Variants in HDAC4 observed in about 807,000 individuals in gnomAD.
HDAC4 encodes the protein histone deacetylase 4.
HDAC4 carries 16 observed loss-of-function variants against 135.1 expected under a neutral mutation model. That is an observed-to-expected ratio of 0.12 (90% CI 0.08 to 0.18). The LOEUF (loss-of-function observed/expected upper bound fraction) is 0.18, where lower values mean the gene tolerates loss of function less well. HDAC4 is among the 10% of genes least tolerant of loss of function. The probability of loss-of-function intolerance (pLI) is 1.00; values close to 1 mark genes in which losing one functional copy is unlikely to be tolerated. For synonymous variants in HDAC4, 685 were observed against 653.4 expected (o/e 1.05, Z -0.74); for missense variants, 1,143 against 1,511.8 (o/e 0.76, Z 4.05).
At chr2:239,230,476 C>G (rs291339) in intron 3 of HDAC4, among the ~76,000 whole-genome samples, 1 of 150,826 alleles carries the variant, frequency 6.6e-6, no homozygotes, top group Non-Finnish European at 1.5e-5. Flanking sequence ...GTCCGTGGGC[C>G]GGAGGGCATT....
intron 24 of HDAC4, among the ~76,000 whole-genome samples, chr2:239,063,326 G>A (rs992001594): frequency 6.6e-6 from 1 of 151,578 alleles, no homozygotes; most frequent in Admixed American, 6.6e-5. Context: ...TCAGCCTCCC[G>A]AGTAGCTGGG....
intron 2 of HDAC4, among the ~76,000 whole-genome samples, chr2:239,257,841 C>T (rs1370284004): frequency 6.6e-6 from 1 of 151,874 alleles, no homozygotes; most frequent in Non-Finnish European, 1.5e-5. Context: ...AAAAGACAAC[C>T]CAACAAAAAA....
rs1302972758 is a variant in HDAC4, at chr2:239,393,877, CT to C, written c.-220+7100del. On this transcript the variant is annotated intron_variant, in intron 1 of 26. Coordinates refer to ENST00000543185, the MANE Select transcript of HDAC4 (RefSeq NM_001378414.1). ...AACTGAGTCTCATCTCATGTAAAAC[CT>C]AGTACTTGGGCTGGGGTGTAAAATG... 4.6e-5 allele frequency among the ~76,000 whole-genome samples: 7 copies of C among 152,274 alleles called. No homozygotes were observed. The East Asian group carries it at 9.6e-4, about 21-fold the overall frequency.
At chr2:239,147,180 C>T (rs183263044) in intron 7 of HDAC4, among the ~76,000 whole-genome samples, 23 of 152,290 alleles carry the variant, frequency 1.5e-4, no homozygotes, top group Admixed American at 7.8e-4. Flanking sequence ...GGAGACCACC[C>T]GGGGCACATG....
At chr2:239,122,331 C>G (rs2039765831) in intron 12 of HDAC4, among the ~76,000 whole-genome samples, 1 of 152,170 alleles carries the variant, frequency 6.6e-6, no homozygotes, top group Non-Finnish European at 1.5e-5. Context: ...CGAACGTCCT[C>G]TTTTAATAGA....
At chr2:239,178,619 C>T (rs934710768) in intron 4 of HDAC4, among the ~76,000 whole-genome samples, 3 of 152,292 alleles carry the variant, frequency 2.0e-5, no homozygotes, top group African/African-American at 4.8e-5. Context: ...CCTGGGCTCA[C>T]GTGATCCTCC....
chr2:239,353,304 C>T (rs1247813465), intron 1 of HDAC4, among the ~76,000 whole-genome samples: 1 of 152,186 alleles, frequency 6.6e-6, no homozygotes, highest in Non-Finnish European at 1.5e-5. Context: ...CTTGAGCCAC[C>T]ACGCCCCACC....
chr2:239,389,568 G>A (rs1361790657), intron 1 of HDAC4, among the ~76,000 whole-genome samples: 1 of 152,142 alleles, frequency 6.6e-6, no homozygotes, highest in Non-Finnish European at 1.5e-5. Context: ...CCGGACACAG[G>A]ATGGGGCCCA....
chr2:239,199,639 C>T (rs1223735074), intron 3 of HDAC4, among the ~76,000 whole-genome samples: 1 of 152,166 alleles, frequency 6.6e-6, no homozygotes, highest in Non-Finnish European at 1.5e-5. Flanking sequence ...GCAGGAGCCC[C>T]GTGGTTGGAT....
chr2:239,378,138 C>G (rs138024494), intron 1 of HDAC4, among the ~76,000 whole-genome samples: 1,636 of 152,266 alleles, frequency 0.011, 10 homozygotes, highest in Non-Finnish European at 0.017. Context: ...GGGGACATGC[C>G]CTGTGCACAT....
chr2:239,208,109 T>C (rs1234938143), intron 3 of HDAC4, among the ~76,000 whole-genome samples: 1 of 150,748 alleles, frequency 6.6e-6, no homozygotes, highest in Admixed American at 6.6e-5. Context: ...GATCACGAGG[T>C]CAGGAGATGG....
At chr2:239,255,795 C>T (rs1387943234) in intron 2 of HDAC4, among the ~76,000 whole-genome samples, 2 of 152,222 alleles carry the variant, frequency 1.3e-5, no homozygotes, top group African/African-American at 4.8e-5. Flanking sequence ...TGACTGACAG[C>T]AATCACTGCC....
chr2:239,230,329 C>T (rs2047470053), intron 3 of HDAC4, among the ~76,000 whole-genome samples: 1 of 137,184 alleles, frequency 7.3e-6, no homozygotes, highest in Admixed American at 7.9e-5. Context: ...ACATTCTACA[C>T]TTCATTTTAC....
intron 1 of HDAC4, among the ~76,000 whole-genome samples, chr2:239,369,907 A>G (rs964159420): frequency 6.6e-6 from 1 of 152,254 alleles, no homozygotes; most frequent in Non-Finnish European, 1.5e-5. Flanking sequence ...AAGTGGCGTC[A>G]TGCCCTGATG....
intron 1 of HDAC4, among the ~76,000 whole-genome samples, chr2:239,393,218 A>G (rs1195672636): frequency 6.6e-6 from 1 of 152,166 alleles, no homozygotes; most frequent in East Asian, 1.9e-4. Flanking sequence ...ATGTGCCCCA[A>G]GGAGGGCCTA....
chr2:239,221,609 GACACACACACACACACACACACACAC>G (rs3838519), intron 3 of HDAC4, among the ~76,000 whole-genome samples: 3 of 148,990 alleles, frequency 2.0e-5, no homozygotes, highest in Non-Finnish European at 3.0e-5. Flanking sequence ...CTGAGAGTGG[GACACACACACACACACACACACACAC>G]ACACACACAC....
chr2:239,107,793 A>G (rs987848397), intron 15 of HDAC4, among the ~76,000 whole-genome samples: 2 of 152,060 alleles, frequency 1.3e-5, no homozygotes, highest in African/African-American at 4.8e-5. Flanking sequence ...TGGGAGCGAA[A>G]CATCAGGAAA....
chr2:239,091,904 CAA>C (rs368201922), intron 17 of HDAC4: 2,210 of 133,048 alleles, frequency 0.017, 31 homozygotes, highest in African/African-American at 0.036. Flanking sequence ...ACTAAAAATA[CAA>C]AAAAAAAAAA....
chr2:239,192,865 G>A (rs887512866), intron 3 of HDAC4, among the ~76,000 whole-genome samples: 1 of 152,210 alleles, frequency 6.6e-6, no homozygotes, highest in African/African-American at 2.4e-5. Context: ...CTTGTATAAT[G>A]TAGAAGAACA....
Sources: allele counts gnomAD v4.1 joint callset (sites outside exome capture counted in the v4.1 genomes callset), GRCh38; gene constraint gnomAD v4.1.1; transcripts MANE v1.5; gene names NCBI Gene and HGNC (gene_info 2026-07-23, HGNC 2026-07-21).